PTPRT: variants seen among roughly 807,000 people sequenced by gnomAD.
PTPRT encodes the protein receptor-type tyrosine-protein phosphatase T.
Under a neutral mutation model 176.8 loss-of-function variants are expected in PTPRT, and 56 were observed. The observed-to-expected ratio is 0.32, with a 90% CI of 0.26 to 0.40. PTPRT has a LOEUF of 0.40. PTPRT is among the 10% of genes least tolerant of loss of function. The probability of loss-of-function intolerance (pLI) is 1.00; values close to 1 mark genes in which losing one functional copy is unlikely to be tolerated. For missense variants in PTPRT, 1,540 were observed against 1,908.2 expected (o/e 0.81, Z 3.60); for synonymous variants, 783 against 739.0 (o/e 1.06, Z -0.96).
At chr20:42,930,519 G>C (rs1034064775) in intron 1 of PTPRT, among the ~76,000 whole-genome samples, 3 of 151,564 alleles carry the variant, frequency 2.0e-5, no homozygotes, top group African/African-American at 7.3e-5. Flanking sequence ...ATCTTGCTCT[G>C]CTGTCCAGGC....
intron 4 of PTPRT, among the ~76,000 whole-genome samples, chr20:42,774,986 A>G (rs576404910): frequency 6.6e-6 from 1 of 152,200 alleles, no homozygotes; most frequent in Non-Finnish European, 1.5e-5. Context: ...ACCTTCCCCC[A>G]GCATCTGCTG....
intron 9 of PTPRT, among the ~76,000 whole-genome samples, chr20:42,396,413 C>T (rs538658649): frequency 2.3e-4 from 35 of 152,296 alleles, no homozygotes; most frequent in Non-Finnish European, 4.3e-4. Context: ...TCTATCCTTG[C>T]CTTCCTTTAG....
At chr20:42,530,232 G>A (rs1246794832) in intron 7 of PTPRT, among the ~76,000 whole-genome samples, 1 of 152,198 alleles carries the variant, frequency 6.6e-6, no homozygotes, top group Non-Finnish European at 1.5e-5. Context: ...ATCTCTGAAA[G>A]GAGCCCAGCC....
chr20:42,397,164 C>T (rs1181728805), intron 9 of PTPRT, among the ~76,000 whole-genome samples: 4 of 152,162 alleles, frequency 2.6e-5, no homozygotes, highest in African/African-American at 9.7e-5. Context: ...AAATGCTAGA[C>T]CTACGATGCG....
intron 1 of PTPRT, among the ~76,000 whole-genome samples, chr20:43,023,767 C>T (rs1205938438): frequency 6.6e-6 from 1 of 152,166 alleles, no homozygotes; most frequent in Admixed American, 6.5e-5. Flanking sequence ...CCTAACCTCT[C>T]CCCATAAAAG....
chr20:42,282,247 T>C (rs562301728), intron 13 of PTPRT, among the ~76,000 whole-genome samples: 15 of 152,294 alleles, frequency 9.8e-5, no homozygotes, highest in African/African-American at 3.6e-4. Flanking sequence ...TCCATCCTTT[T>C]ACACCATTCA....
At chr20:43,104,728 CA>C (rs1162345247) in intron 1 of PTPRT, among the ~76,000 whole-genome samples, 6 of 152,124 alleles carry the variant, frequency 3.9e-5, no homozygotes, top group African/African-American at 1.4e-4. Flanking sequence ...GACAGACTGA[CA>C]AAAGTATAAT....
chr20:42,628,167 G>A (rs62203828), intron 7 of PTPRT, among the ~76,000 whole-genome samples: 3,907 of 152,220 alleles, frequency 0.026, 69 homozygotes, highest in Middle Eastern at 0.078. Flanking sequence ...CTCCACTTCC[G>A]TGGGGGATTT....
At chr20:42,721,815 C>T (rs966370998) in intron 6 of PTPRT, among the ~76,000 whole-genome samples, 1 of 152,234 alleles carries the variant, frequency 6.6e-6, no homozygotes, top group African/African-American at 2.4e-5. Flanking sequence ...CCTAATTGCA[C>T]AGACACCTCC....
At chr20:43,006,293 A>G (rs150634426) in intron 1 of PTPRT, among the ~76,000 whole-genome samples, 249 of 152,312 alleles carry the variant, frequency 1.6e-3, no homozygotes, top group African/African-American at 5.5e-3. Flanking sequence ...GAAAACTTTT[A>G]TTTTCTAATA....
At chr20:42,398,717 T>A (rs1452790038) in intron 9 of PTPRT, among the ~76,000 whole-genome samples, 1 of 152,210 alleles carries the variant, frequency 6.6e-6, no homozygotes, top group Non-Finnish European at 1.5e-5. Flanking sequence ...ATTTTAAATT[T>A]ATGTATTTTT....
At chr20:43,187,971 C>T (rs905982627) in intron 1 of PTPRT, among the ~76,000 whole-genome samples, 3 of 152,236 alleles carry the variant, frequency 2.0e-5, no homozygotes, top group African/African-American at 7.2e-5. Context: ...CACTGGACAG[C>T]TTCCCGAGCC....
intron 15 of PTPRT, among the ~76,000 whole-genome samples, chr20:42,216,540 C>T (rs1398293154): frequency 6.6e-6 from 1 of 152,178 alleles, no homozygotes; most frequent in African/African-American, 2.4e-5. Flanking sequence ...TATCTTCTCT[C>T]ATCACTTTTC....
chr20:43,060,846 A>G (rs557068301), intron 1 of PTPRT, among the ~76,000 whole-genome samples: 1 of 152,320 alleles, frequency 6.6e-6, no homozygotes, highest in Non-Finnish European at 1.5e-5. Flanking sequence ...GAGGAGAACT[A>G]AAGGGCACAA....
intron 12 of PTPRT, among the ~76,000 whole-genome samples, chr20:42,312,968 T>C: frequency 1.4e-5 from 1 of 73,430 alleles, no homozygotes; most frequent in East Asian, 2.2e-4. Context: ...CTGAGATGCA[T>C]TCCCAGATGG....
chr20:42,612,340 T>C (rs1043057296), intron 7 of PTPRT, among the ~76,000 whole-genome samples: 1 of 152,194 alleles, frequency 6.6e-6, no homozygotes, highest in Admixed American at 6.5e-5. Flanking sequence ...TTTTCTGTCA[T>C]GGAGATTCTG....
intron 5 of PTPRT, among the ~76,000 whole-genome samples, chr20:42,768,250 C>T (rs1262978114): frequency 2.0e-5 from 3 of 152,102 alleles, no homozygotes; most frequent in African/African-American, 7.2e-5. Flanking sequence ...TCAAGTGCCC[C>T]AGGATGGAGA....
intron 1 of PTPRT, among the ~76,000 whole-genome samples, chr20:42,902,709 G>A (rs2079422236): frequency 6.6e-6 from 1 of 152,206 alleles, no homozygotes; most frequent in Non-Finnish European, 1.5e-5. Flanking sequence ...CTGAGGCTCA[G>A]AGAGGTTAAG....
At chr20:42,508,886 T>TTAATTTATAAATATAAATAATA (rs1474699532) in intron 7 of PTPRT, among the ~76,000 whole-genome samples, 16 of 146,184 alleles carry the variant, frequency 1.1e-4, no homozygotes, top group Non-Finnish European at 1.8e-4. Context: ...TAATTTATAT[T>TTAATTTATAAATATAAATAATA]TAATTTATAA....
Sources: allele counts gnomAD v4.1 joint callset (sites outside exome capture counted in the v4.1 genomes callset), GRCh38; gene constraint gnomAD v4.1.1; transcripts MANE v1.5; gene names NCBI Gene and HGNC (gene_info 2026-07-23, HGNC 2026-07-21).